The following ARHGAP15 variants were observed in gnomAD, a reference collection of about 807,000 sequenced individuals.
ARHGAP15 encodes rho GTPase-activating protein 15.
In ARHGAP15, 51 loss-of-function variants were observed where a neutral mutation model predicts 63.7. That is an observed-to-expected ratio of 0.80 (90% CI 0.64 to 1.01). The LOEUF (loss-of-function observed/expected upper bound fraction) is 1.01, where lower values mean the gene tolerates loss of function less well. ARHGAP15 is among the 50% of genes least tolerant of loss of function. The probability of loss-of-function intolerance (pLI) is 0.00; values close to 1 mark genes in which losing one functional copy is unlikely to be tolerated. For synonymous variants in ARHGAP15, 191 were observed against 193.8 expected (o/e 0.99, Z 0.12); for missense variants, 560 against 564.6 (o/e 0.99, Z 0.08).
chr2:143,319,845 G>A (rs1461164066), intron 6 of ARHGAP15, among the ~76,000 whole-genome samples: 2 of 152,130 alleles, frequency 1.3e-5, no homozygotes, highest in Non-Finnish European at 2.9e-5. Context: ...CACTAGGAAT[G>A]GAGCATTTCA....
At chr2:143,524,710 A>T (rs1365455083) in intron 10 of ARHGAP15, among the ~76,000 whole-genome samples, 7 of 152,172 alleles carry the variant, frequency 4.6e-5, no homozygotes, top group Admixed American at 3.3e-4. Flanking sequence ...GACTATTTGG[A>T]TATGTGTGTT....
chr2:143,395,550 A>G (rs890864719), intron 6 of ARHGAP15, among the ~76,000 whole-genome samples: 1 of 152,190 alleles, frequency 6.6e-6, no homozygotes, highest in African/African-American at 2.4e-5. Flanking sequence ...TATAAAAAGC[A>G]AAGGAACATA....
intron 6 of ARHGAP15, among the ~76,000 whole-genome samples, chr2:143,340,770 T>C (rs1685024014): frequency 6.6e-6 from 1 of 152,120 alleles, no homozygotes; most frequent in South Asian, 2.1e-4. Context: ...GTTCATATGA[T>C]GAAACCCTAG....
At chr2:143,723,616 T>C (rs537594259) in intron 13 of ARHGAP15, among the ~76,000 whole-genome samples, 13 of 152,332 alleles carry the variant, frequency 8.5e-5, no homozygotes, top group African/African-American at 2.6e-4. Context: ...AGGTCATCTG[T>C]GTACTCTTAC....
intron 6 of ARHGAP15, among the ~76,000 whole-genome samples, chr2:143,380,564 C>A (rs1471429445): frequency 1.3e-5 from 2 of 152,062 alleles, no homozygotes; most frequent in Admixed American, 6.6e-5. Context: ...TTGATAATTG[C>A]AATCTAACAA....
rs538048901 is a variant in ARHGAP15 at position 143,512,838 on chromosome 2, C to A, written c.827-6428C>A. Among the ~76,000 whole-genome samples the A allele has an allele frequency of 2.0e-5, 3 of 152,332 alleles. No individual in the cohort carries two copies. The South Asian group carries it at 6.2e-4, about 32-fold the overall frequency. ...ATTTGCCTCTCCCTGCAAACTAGTT[C>A]CTGTGTCCGCTCATCTGCGGCACAT... On this transcript the variant is annotated intron_variant, in intron 9 of 13. Coordinates refer to ENST00000295095, the MANE Select transcript of ARHGAP15 (RefSeq NM_018460.4).
intron 4 of ARHGAP15, among the ~76,000 whole-genome samples, chr2:143,217,961 T>A (rs910712945): frequency 6.6e-6 from 1 of 152,198 alleles, no homozygotes; most frequent in Non-Finnish European, 1.5e-5. Context: ...GAGGTTCTAC[T>A]GTGTGGTTTT....
chr2:143,163,984 C>A (rs1319922297), intron 2 of ARHGAP15, among the ~76,000 whole-genome samples: 1 of 152,024 alleles, frequency 6.6e-6, no homozygotes, highest in African/African-American at 2.4e-5. Flanking sequence ...CATCCCTAAA[C>A]GGTTGATTAG....
chr2:143,575,651 G>A (rs1222219609), intron 11 of ARHGAP15, among the ~76,000 whole-genome samples: 1 of 152,102 alleles, frequency 6.6e-6, no homozygotes, highest in Non-Finnish European at 1.5e-5. Flanking sequence ...TTCACTATGT[G>A]ATGGGCACAT....
intron 13 of ARHGAP15, among the ~76,000 whole-genome samples, chr2:143,752,340 T>C (rs1016402364): frequency 6.6e-6 from 1 of 152,210 alleles, no homozygotes; most frequent in Non-Finnish European, 1.5e-5. Flanking sequence ...CTTCAATTCA[T>C]TGACCTTGGA....
chr2:143,179,274 A>G (rs1326384372), intron 2 of ARHGAP15, among the ~76,000 whole-genome samples: 1 of 152,234 alleles, frequency 6.6e-6, no homozygotes, highest in African/African-American at 2.4e-5. Flanking sequence ...CTCTGTTTTG[A>G]AACTCAGCCT....
chr2:143,712,430 G>T (rs953965049), intron 13 of ARHGAP15, among the ~76,000 whole-genome samples: 5 of 152,308 alleles, frequency 3.3e-5, no homozygotes, highest in South Asian at 2.1e-4. Flanking sequence ...TGGAATGCAA[G>T]AAAGGTGATT....
intron 13 of ARHGAP15, among the ~76,000 whole-genome samples, chr2:143,712,894 C>T (rs1252489759): frequency 6.6e-6 from 1 of 151,778 alleles, no homozygotes; most frequent in Admixed American, 6.6e-5. Flanking sequence ...ATATAAAGAA[C>T]TAACCTGGCT....
chr2:143,595,442 T>C (rs1697475318), intron 11 of ARHGAP15, among the ~76,000 whole-genome samples: 1 of 152,118 alleles, frequency 6.6e-6, no homozygotes, highest in South Asian at 2.1e-4. Context: ...GATAGTGTCC[T>C]TCTATTTTAC....
intron 10 of ARHGAP15, among the ~76,000 whole-genome samples, chr2:143,528,593 T>G (rs10928185): frequency 0.24 from 36,197 of 152,028 alleles, 4,386 homozygotes; most frequent in East Asian, 0.37. Context: ...AAAAAAAAAG[T>G]TAAACTCTGC....
At chr2:143,535,801 C>T (rs964450302) in intron 10 of ARHGAP15, among the ~76,000 whole-genome samples, 3 of 152,132 alleles carry the variant, frequency 2.0e-5, no homozygotes, top group Non-Finnish European at 4.4e-5. Context: ...ACATTTCATA[C>T]AAGAGAAAAC....
At chr2:143,258,114 C>G (rs941040399) in intron 6 of ARHGAP15, among the ~76,000 whole-genome samples, 2 of 151,962 alleles carry the variant, frequency 1.3e-5, no homozygotes, top group African/African-American at 2.4e-5. Flanking sequence ...TACAGCTTGT[C>G]CATAAGGATG....
At chr2:143,154,489 T>A (rs1690002911) in intron 1 of ARHGAP15, among the ~76,000 whole-genome samples, 1 of 151,890 alleles carries the variant, frequency 6.6e-6, no homozygotes, top group African/African-American at 2.4e-5. Flanking sequence ...CTAGTCACAG[T>A]TTTGTTCACT....
At chr2:143,347,470 G>A (rs1392430043) in intron 6 of ARHGAP15, among the ~76,000 whole-genome samples, 4 of 152,088 alleles carry the variant, frequency 2.6e-5, no homozygotes, top group Non-Finnish European at 5.9e-5. Context: ...TTCTTTCTCT[G>A]TGATGGGTTG....
Sources: allele counts gnomAD v4.1 joint callset (sites outside exome capture counted in the v4.1 genomes callset), GRCh38; gene constraint gnomAD v4.1.1; transcripts MANE v1.5; gene names NCBI Gene and HGNC (gene_info 2026-07-23, HGNC 2026-07-21).